The following SRPRA variants were observed in gnomAD, a reference collection of about 807,000 sequenced individuals.
The protein encoded by SRPRA is SRP receptor subunit alpha.
In SRPRA, 30 loss-of-function variants were observed where a neutral mutation model predicts 61.1. The observed-to-expected ratio is 0.49, with a 90% confidence interval of 0.37 to 0.67. The LOEUF (loss-of-function observed/expected upper bound fraction) is 0.67, where lower values mean the gene tolerates loss of function less well. Ranked by LOEUF, SRPRA falls within the 30% of genes least tolerant of loss-of-function variation. SRPRA has a pLI of 0.00. For synonymous variants in SRPRA, 324 were observed against 299.7 expected, an observed-to-expected ratio of 1.08 and a Z score of -0.84; for missense variants, 759 against 828.4, an observed-to-expected ratio of 0.92 and a Z score of 1.03.
chr11:126,250,600 T>C, the SRPRA span: 13 of 1,613,894 alleles, frequency 8.1e-6, no homozygotes, highest in South Asian at 7.7e-5. The surrounding 1 kb of genome is among the most constrained non-coding windows in gnomAD (Gnocchi z 5.1). Flanking sequence ...GGAAAACAGC[T>C]ACTTCAGTCA....
chr11:126,242,618 A>G, the SRPRA span, among the ~76,000 whole-genome samples: 1 of 152,246 alleles, frequency 6.6e-6, no homozygotes, highest in African/African-American at 2.4e-5. Context: ...AACGGCCAAT[A>G]AGTGCATACG....
Position 126,264,874 on chromosome 11 carries a change from C to T in SRPRA, c.1525+85G>A, listed in dbSNP as rs1950775492. On this transcript the variant is annotated intron_variant, in intron 11 of 13. Transcript: ENST00000332118. This position sits in a 1 kb window ranked among gnomAD's most constrained non-coding sequence, Gnocchi z 5.0. ...ATTGACCAACGAGTCTGTAGTAGCA[C>T]AAGCCTGATCTTCTGCAAATTCCAA... 1 of 1,308,188 alleles carries T rather than the reference C, an allele frequency of 7.6e-7. No individual in the cohort carries two copies. The highest frequency in any genetic ancestry group is 1.0e-6 in the Non-Finnish European group (1 of 956,420). The allele number at this position is 1,308,188 out of a possible 1,614,324, so 81.0% of individuals were successfully genotyped here.
chr11:126,262,191 T>C (rs1950715458), downstream of SRPRA: 3 of 1,581,828 alleles, frequency 1.9e-6, no homozygotes, highest in East Asian at 2.2e-5. Flanking sequence ...CTACAGACAG[T>C]GTTTAACAAG....
Position 126,265,978 on chromosome 11 carries a change from G to C in SRPRA, c.1036C>G (p.Arg346Gly). The C allele has an allele frequency of 6.2e-7, 1 of 1,614,034 alleles. No individual in the cohort carries two copies. Among genetic ancestry groups the C allele is most frequent in the Non-Finnish European group, 8.5e-7 (1 of 1,179,976 alleles). The change falls in exon 8 of 14, where the codon CGT becomes GGT. Residue 346 changes from arginine to glycine, a missense_variant. Transcript: ENST00000332118. The surrounding 1 kb of genome is among the most constrained non-coding windows in gnomAD (Gnocchi z 6.3). ...CAGAACTTACCAATGAGATGATCAC[G>C]CATCTTGTCCAGCACAGATTCCATG... ...EDMESVLDKMRDHLIAKNVAA... is the reference protein window; with the variant it reads ...EDMESVLDKMGDHLIAKNVAA...
In SRPRA at chr11:126,266,335, C is replaced by T. The variant is rs1565346600; in HGVS notation, c.841-57G>A. 8.1e-6 allele frequency: 13 copies of T among 1,599,244 alleles called. No individual in the cohort carries two copies. The East Asian group carries it at 1.6e-4, about 19-fold the overall frequency. ...GGAACACTAAGGTCTCTGAGGAAAA[C>T]GTCCACATTGCTCTATCTCTTTCAT... On this transcript the variant is annotated intron_variant, in intron 6 of 13. Transcript: ENST00000332118.
the SRPRA span, among the ~76,000 whole-genome samples, chr11:126,238,401 A>G: frequency 6.6e-6 from 1 of 152,154 alleles, no homozygotes; most frequent in Non-Finnish European, 1.5e-5. Context: ...TGTAGAGTTA[A>G]GGAATTCCCA....
chr11:126,266,432 C>T, intron 6 of SRPRA, 44 bp downstream of exon 6: 3 of 1,603,622 alleles, frequency 1.9e-6, no homozygotes, highest in South Asian at 1.1e-5. Flanking sequence ...CTACTTCCTC[C>T]CAATTTGTTG....
chr11:126,249,314 C>A, the SRPRA span, among the ~76,000 whole-genome samples: 14 of 152,316 alleles, frequency 9.2e-5, no homozygotes, highest in East Asian at 2.5e-3. Flanking sequence ...AAATTGTTTA[C>A]GTTAACCTTT....
rs1352884955 is a variant in SRPRA at position 126,266,029 on chromosome 11, C to T, written c.985G>A (p.Gly329Ser). The part of the protein sequence containing the change: ...GMFGMLKGLV[G>S]SKSLSREDME... ...TCTTCACGACTCAAGCTCTTTGAAC[C>T]CACAAGGCCCTTCAGCATACCAAAC... The change falls in exon 8 of 14, where the codon GGT becomes AGT. Residue 329 changes from glycine to serine, a missense_variant. By Grantham distance (56) the Gly-to-Ser change is moderately conservative. Coordinates refer to ENST00000332118, the MANE Select transcript of SRPRA (RefSeq NM_003139.4). The T allele has an allele frequency of 6.2e-7, 1 of 1,614,058 alleles. No individual in the cohort carries two copies. Among genetic ancestry groups the T allele is most frequent in the Non-Finnish European group, 8.5e-7 (1 of 1,180,052 alleles).
the SRPRA span, among the ~76,000 whole-genome samples, chr11:126,253,740 G>A: frequency 6.6e-6 from 1 of 152,178 alleles, no homozygotes; most frequent in East Asian, 1.9e-4. This position sits in a 1 kb window ranked among gnomAD's most constrained non-coding sequence, Gnocchi z 5.1. Flanking sequence ...TTCCCTGCAA[G>A]CAATTGGCCA....
chr11:126,248,358 CTTTTTTTTTT>C, the SRPRA span, among the ~76,000 whole-genome samples: 178 of 36,960 alleles, frequency 4.8e-3, 1 homozygote, highest in Non-Finnish European at 2.0e-3. Context: ...TAGTAGTTGA[CTTTTTTTTTT>C]TTTTTTTTTT....
rs368191228 is a variant in SRPRA at position 126,264,240 on chromosome 11, C to T, written c.1739G>A (p.Arg580Gln). The T allele has an allele frequency of 1.5e-5, 25 of 1,613,948 alleles. No homozygotes were observed. The highest frequency in any genetic ancestry group is 1.9e-5 in the Non-Finnish European group (22 of 1,180,024). The change falls in exon 13 of 14, where the codon CGG (arginine) becomes CAG (glutamine). Residue 580 changes from arginine to glutamine, a missense_variant. Arg to Gln is a conservative substitution (Grantham distance 43). Coordinates refer to ENST00000332118, the MANE Select transcript of SRPRA (RefSeq NM_003139.4). The surrounding 1 kb of genome is among the most constrained non-coding windows in gnomAD (Gnocchi z 5.0). ...LADHSMAQTPRLIDGIVLTKF... is the reference protein window; with the variant it reads ...LADHSMAQTPQLIDGIVLTKF... ...GGTAAGAACAATGCCATCAATGAGC[C>T]GAGGTGTCTGAGCCATAGAATGGTC... is the stretch of plus-strand genomic sequence containing the variant.
In SRPRA at chr11:126,266,847, C is replaced by G. The variant is rs1250567687; in HGVS notation, c.602G>C (p.Gly201Ala). ...KSGLPVGPEN[G>A]VELSKEELIR... is the part of the protein sequence containing the mutation. The stretch of plus-strand genomic sequence containing the variant: ...CAGCTCCTCTTTGGAAAGTTCTACT[C>G]CGTTCTCAGGACCCACTGGAAGACC... The change falls in exon 5 of 14, where the codon GGA becomes GCA. Residue 201 changes from glycine (G) to alanine (A), a missense_variant. Coordinates refer to ENST00000332118, the MANE Select transcript of SRPRA (RefSeq NM_003139.4). 6.2e-7 allele frequency: 1 copy of G among 1,614,206 alleles called. No individual in the cohort carries two copies. Among genetic ancestry groups the G allele is most frequent in the Non-Finnish European group, 8.5e-7 (1 of 1,180,042 alleles).
downstream of SRPRA, among the ~76,000 whole-genome samples, chr11:126,259,649 T>A (rs988037588): frequency 6.6e-6 from 1 of 151,564 alleles, no homozygotes; most frequent in African/African-American, 2.4e-5. Context: ...ATGGTCTCGG[T>A]CTCCTGACCT....
the SRPRA span, among the ~76,000 whole-genome samples, chr11:126,255,031 C>G: frequency 6.6e-6 from 1 of 152,334 alleles, no homozygotes; most frequent in South Asian, 2.1e-4. The surrounding 1 kb of genome is among the most constrained non-coding windows in gnomAD (Gnocchi z 4.6). Flanking sequence ...CCTTTATCAT[C>G]ATTTGGTTTA....
downstream of SRPRA, chr11:126,262,425 A>C: frequency 2.4e-6 from 1 of 424,486 alleles, no homozygotes. Flanking sequence ...CAGCACACCA[A>C]TGTGATACTT....
downstream of SRPRA, chr11:126,260,834 T>C (rs1397635361): frequency 1.3e-5 from 2 of 152,348 alleles, no homozygotes; most frequent in Non-Finnish European, 2.9e-5. Flanking sequence ...CCAAGTGTTA[T>C]CCAGTAGAAT....
the SRPRA span, among the ~76,000 whole-genome samples, chr11:126,244,039 A>T: frequency 4.6e-5 from 7 of 152,282 alleles, no homozygotes; most frequent in East Asian, 5.8e-4. The surrounding 1 kb of genome is among the most constrained non-coding windows in gnomAD (Gnocchi z 4.5). Context: ...GATTTTTTTT[A>T]AAAAAGCCAC....
Position 126,268,870 on chromosome 11 carries a change from GCTGCGCCAA to G in SRPRA, c.-75_-67del. ...CAGGCCGCGTTCGCCGCCGCTTCCTGCTGCGCCAAGCGCGGGACACGTCACACCAGTGGC... is the reference window on the plus strand; with the variant it reads ...CAGGCCGCGTTCGCCGCCGCTTCCTGGCGCGGGACACGTCACACCAGTGGC... On this transcript the variant is annotated 5_prime_UTR_variant, in exon 1 of 14. Transcript: ENST00000332118. 7.5e-7 allele frequency: 1 copy of G among 1,332,380 alleles called. No homozygotes were observed. Among genetic ancestry groups the G allele is most frequent in the Non-Finnish European group, 1.1e-6 (1 of 929,978 alleles). The allele number at this position is 1,332,380 out of a possible 1,614,324, so 82.5% of individuals were successfully genotyped here.
Sources: gnomAD v4.1 joint callset for allele counts (sites outside exome capture counted in the v4.1 genomes callset) on GRCh38, gnomAD v4.1.1 for gene constraint, Gnocchi (gnomAD v3.1) non-coding constraint, MANE v1.5 for transcripts, NCBI Gene and HGNC (gene_info 2026-07-23, HGNC 2026-07-21) for gene names.